BNC2: variants seen among roughly 807,000 people sequenced by gnomAD.
BNC2 encodes the protein basonuclin zinc finger protein 2.
BNC2 carries 20 observed loss-of-function variants against 76.3 expected under a neutral mutation model. The observed-to-expected ratio is 0.26, with a 90% CI of 0.18 to 0.38. BNC2 has a LOEUF of 0.38. BNC2 is among the 10% of genes least tolerant of loss of function. BNC2 has a pLI of 1.00. For synonymous variants in BNC2, 582 were observed against 514.8 expected, an observed-to-expected ratio of 1.13 and a Z score of -1.77; for missense variants, 1,382 against 1,399.8, an observed-to-expected ratio of 0.99 and a Z score of 0.20.
Position 16,682,288 on chromosome 9 carries a change from A to G in BNC2, c.330+45509T>C, listed in dbSNP as rs925247022. On this transcript the variant is annotated intron_variant, in intron 3 of 6. Coordinates refer to ENST00000380672, the MANE Select transcript of BNC2 (RefSeq NM_017637.6). ...TTTCAAGACACCCTATACAAAATTA[A>G]TTAACTTCTCCAACATCATAGGAAT... 2.1e-4 allele frequency among the ~76,000 whole-genome samples: 22 copies of G among 102,780 alleles called. 1 individual carries two copies. The highest frequency in any genetic ancestry group is 9.2e-4 in the African/African-American group (17 of 18,390). 67.4% of individuals were successfully genotyped at this position (102,780 alleles called of 152,430 possible).
rs535580621 is a variant in BNC2 at position 16,459,914 on chromosome 9, G to A, written c.670-22390C>T. On this transcript the variant is annotated intron_variant, in intron 5 of 6. Transcript: ENST00000380672. ...CAGCTACATTATCCCTTTCTGAAAC[G>A]GCTTTGAGAAAGAAAATGAAAGAGG... is the stretch of plus-strand genomic sequence containing the variant. Among the ~76,000 whole-genome samples, 301 of 152,216 alleles carry A rather than the reference G, an allele frequency of 2.0e-3. 1 individual carries two copies. Among genetic ancestry groups the A allele is most frequent in the African/African-American group, 6.7e-3 (280 of 41,524 alleles).
In BNC2 at chr9:16,727,756, T is replaced by TAA. The variant is rs774541968; in HGVS notation, c.330+39_330+40dup. ...GTGCCCATAACAATTCAAGGTTTCT[T>TAA]AAAAAAAAGAAAAAAAAAATCAAGA... On this transcript the variant is annotated intron_variant, in intron 3 of 6. Coordinates refer to ENST00000380672, the MANE Select transcript of BNC2 (RefSeq NM_017637.6). 139 of 1,562,120 alleles carry TAA rather than the reference T, an allele frequency of 8.9e-5. 1 individual carries two copies. The highest frequency in any genetic ancestry group is 1.2e-4 in the Non-Finnish European group (134 of 1,145,956).
At chr9:16,422,502 C>T (rs1227746200) in intron 6 of BNC2, among the ~76,000 whole-genome samples, 1 of 152,210 alleles carries the variant, frequency 6.6e-6, no homozygotes, top group Non-Finnish European at 1.5e-5. Flanking sequence ...TTCCATTATG[C>T]AACCACAGTT....
At chr9:16,705,316 AC>A (rs1483588415) in intron 3 of BNC2, among the ~76,000 whole-genome samples, 1 of 152,206 alleles carries the variant, frequency 6.6e-6, no homozygotes, top group African/African-American at 2.4e-5. Context: ...CTGCCAAGGA[AC>A]CGCTTTTTTG....
chr9:16,747,322 G>C (rs866175741), intron 1 of BNC2, among the ~76,000 whole-genome samples: 6 of 135,212 alleles, frequency 4.4e-5, no homozygotes, highest in East Asian at 4.5e-4. Context: ...CTATGTACAA[G>C]ACATTGCAAG....
intron 1 of BNC2, among the ~76,000 whole-genome samples, chr9:16,777,594 G>C (rs368288400): frequency 9.2e-5 from 14 of 151,468 alleles, no homozygotes; most frequent in African/African-American, 3.4e-4. Flanking sequence ...CCAGCTACTC[G>C]GGAGGCTGAG....
At chr9:16,698,106 A>C (rs1823392176) in intron 3 of BNC2, among the ~76,000 whole-genome samples, 1 of 152,198 alleles carries the variant, frequency 6.6e-6, no homozygotes, top group African/African-American at 2.4e-5. Flanking sequence ...TTACATACAC[A>C]GGGGCTTGGT....
chr9:16,804,406 G>C (rs1405863879), intron 1 of BNC2, among the ~76,000 whole-genome samples: 1 of 152,226 alleles, frequency 6.6e-6, no homozygotes, highest in Non-Finnish European at 1.5e-5. Context: ...GAAAGCTGCA[G>C]TATCAAGTCC....
intron 3 of BNC2, among the ~76,000 whole-genome samples, chr9:16,649,738 G>A: frequency 6.6e-6 from 1 of 152,256 alleles, no homozygotes; most frequent in Middle Eastern, 3.4e-3. Context: ...CCAAAATTTT[G>A]TTCCAGATGA....
chr9:16,738,326 G>A, intron 2 of BNC2, 34 bp downstream of exon 2: 1 of 1,524,922 alleles, frequency 6.6e-7, no homozygotes, highest in South Asian at 1.1e-5. Context: ...GTGTGTCCAA[G>A]TAACTTAAAG....
intron 1 of BNC2, among the ~76,000 whole-genome samples, chr9:16,840,637 T>C (rs946459104): frequency 3.9e-5 from 6 of 152,254 alleles, no homozygotes; most frequent in South Asian, 4.1e-4. Context: ...TGGTAAGATA[T>C]ACCAAAAGCA....
At chr9:16,845,176 T>C (rs1198687751) in intron 1 of BNC2, among the ~76,000 whole-genome samples, 1 of 152,238 alleles carries the variant, frequency 6.6e-6, no homozygotes, top group Non-Finnish European at 1.5e-5. Context: ...TTAGGCAGCC[T>C]ATCAGTGTAA....
At chr9:16,742,313 A>G (rs769457803) in intron 1 of BNC2, among the ~76,000 whole-genome samples, 7 of 152,362 alleles carry the variant, frequency 4.6e-5, no homozygotes, top group Admixed American at 1.3e-4. Flanking sequence ...ACAAAGCTGA[A>G]GAGAGCCAAG....
chr9:16,486,870 C>A (rs79924810), intron 5 of BNC2, among the ~76,000 whole-genome samples: 1 of 152,084 alleles, frequency 6.6e-6, no homozygotes, highest in Admixed American at 6.6e-5. Context: ...GGACTACAGG[C>A]ACATGACACC....
At chr9:16,675,246 T>C (rs1053287266) in intron 3 of BNC2, among the ~76,000 whole-genome samples, 1 of 149,494 alleles carries the variant, frequency 6.7e-6, no homozygotes, top group Non-Finnish European at 1.5e-5. Flanking sequence ...AAGGACTAAA[T>C]TGAGTTAATT....
intron 5 of BNC2, among the ~76,000 whole-genome samples, chr9:16,537,331 G>C (rs568060290): frequency 3.3e-5 from 5 of 152,090 alleles, no homozygotes; most frequent in African/African-American, 1.2e-4. Flanking sequence ...AAACACTATA[G>C]TATTATTTGA....
At chr9:16,446,092 CATATAAAGATTG>C (rs964508192) in intron 5 of BNC2, among the ~76,000 whole-genome samples, 1 of 152,084 alleles carries the variant, frequency 6.6e-6, no homozygotes, top group Non-Finnish European at 1.5e-5. Flanking sequence ...ACACTGACTG[CATATAAAGATTG>C]ATACTTTAAA....
At chr9:16,447,489 C>G (rs982946402) in intron 5 of BNC2, among the ~76,000 whole-genome samples, 2 of 152,030 alleles carry the variant, frequency 1.3e-5, no homozygotes, top group African/African-American at 4.8e-5. Flanking sequence ...GTGTAACCAA[C>G]GTATTTTTAG....
At chr9:16,669,002 C>G (rs1052492849) in intron 3 of BNC2, among the ~76,000 whole-genome samples, 8 of 152,098 alleles carry the variant, frequency 5.3e-5, no homozygotes, top group South Asian at 4.1e-4. Context: ...ACCCCACCCC[C>G]CTCAAGACAC....
Sources: gnomAD v4.1 joint callset for allele counts (sites outside exome capture counted in the v4.1 genomes callset) on GRCh38, gnomAD v4.1.1 for gene constraint, MANE v1.5 for transcripts, NCBI Gene and HGNC (gene_info 2026-07-23, HGNC 2026-07-21) for gene names.